Variants in DST observed in about 807,000 individuals in gnomAD.
The protein encoded by DST is bullous pemphigoid antigen.
Under a neutral mutation model 875.2 loss-of-function variants are expected in DST, and 253 were observed. That is an observed-to-expected ratio of 0.29 (90% CI 0.26 to 0.32). The LOEUF is 0.32. DST is among the 10% of genes least tolerant of loss of function. The probability of loss-of-function intolerance (pLI) is 1.00; values close to 1 mark genes in which losing one functional copy is unlikely to be tolerated. For synonymous variants in DST, 3,124 were observed against 3,197.1 expected (o/e 0.98, Z 0.77); for missense variants, 8,287 against 9,111.6 (o/e 0.91, Z 3.68).
intron 78 of DST, among the ~76,000 whole-genome samples, chr6:56,503,594 T>TACACACACACACACACACAC (rs10637850): frequency 7.1e-6 from 1 of 140,806 alleles, no homozygotes; most frequent in Non-Finnish European, 1.5e-5. Context: ...TACCTATACA[T>TACACACACACACACACACAC]ACACACACAC....
At chr6:56,537,005 G>A in intron 61 of DST, 65 bp from the exon 62 acceptor site, 1 of 1,444,166 alleles carries the variant, frequency 6.9e-7, no homozygotes, top group Non-Finnish European at 9.6e-7. Context: ...TATATAATAA[G>A]CATTTCTTTA....
chr6:56,806,149 T>A (rs1320613955), intron 4 of DST, among the ~76,000 whole-genome samples: 1 of 152,220 alleles, frequency 6.6e-6, no homozygotes, highest in African/African-American at 2.4e-5. Context: ...TCTCATCTTC[T>A]AAAAAGTTTT....
intron 4 of DST, among the ~76,000 whole-genome samples, chr6:56,826,207 C>T (rs910725976): frequency 1.3e-5 from 2 of 152,102 alleles, no homozygotes; most frequent in Non-Finnish European, 2.9e-5. Context: ...CCCACCTCAG[C>T]CATAAATGAC....
At chr6:56,693,027 G>T (rs758127453) in intron 9 of DST, 5 of 1,289,690 alleles carry the variant, frequency 3.9e-6, no homozygotes, top group South Asian at 2.5e-5. Flanking sequence ...CAGTTTTTTT[G>T]ATCGGTTTTC....
At chr6:56,611,293 T>C (rs752581895) in intron 38 of DST, among the ~76,000 whole-genome samples, 2 of 152,210 alleles carry the variant, frequency 1.3e-5, no homozygotes, top group Admixed American at 6.5e-5. Context: ...TTATCGGTAA[T>C]ACATGGGGAT....
intron 4 of DST, among the ~76,000 whole-genome samples, chr6:56,818,836 T>A (rs867816169): frequency 1.4e-4 from 22 of 152,284 alleles, no homozygotes; most frequent in South Asian, 2.1e-4. Flanking sequence ...CTGCATACTT[T>A]CCATAGGAAC....
chr6:56,618,838 C>G, intron 36 of DST: 1 of 1,614,070 alleles, frequency 6.2e-7, no homozygotes, highest in Non-Finnish European at 8.5e-7. Flanking sequence ...TTCTGTGGGT[C>G]ATCTGCTCCT....
At chr6:56,517,738 T>C (rs960138753) in intron 69 of DST, 118 bp from the exon 70 acceptor site, 2 of 1,207,982 alleles carry the variant, frequency 1.7e-6, no homozygotes, top group African/African-American at 3.1e-5. Context: ...GCTTGTCTCC[T>C]CATGGCATCC....
chr6:56,494,261 A>T, intron 82 of DST, 81 bp from the exon 83 acceptor site: 2 of 1,321,150 alleles, frequency 1.5e-6, no homozygotes, highest in Non-Finnish European at 1.0e-6. Flanking sequence ...ATCAGTCCCA[A>T]GCTCCTCATC....
intron 3 of DST, among the ~76,000 whole-genome samples, chr6:56,879,442 C>A (rs13199233): frequency 1.3e-5 from 2 of 151,434 alleles, no homozygotes. Context: ...CTGCACTCCA[C>A]CCTGGGAGAC....
At chr6:56,778,382 T>C (rs371898574) in intron 4 of DST, among the ~76,000 whole-genome samples, 2 of 150,850 alleles carry the variant, frequency 1.3e-5, no homozygotes, top group South Asian at 2.1e-4. Flanking sequence ...AATCTGTTAG[T>C]TATTTTTTTT....
At chr6:56,873,126 G>A (rs181600078) in intron 3 of DST, among the ~76,000 whole-genome samples, 17 of 152,068 alleles carry the variant, frequency 1.1e-4, no homozygotes, top group African/African-American at 3.4e-4. Flanking sequence ...ATACCTGTTC[G>A]TCATTTGTAT....
Position 56,572,769 on chromosome 6 carries a change from G to A in DST, c.13532C>T (p.Thr4511Ile), listed in dbSNP as rs200621004. The A allele has an allele frequency of 2.6e-5, 42 of 1,599,444 alleles. No individual in the cohort carries two copies. Among genetic ancestry groups the A allele is most frequent in the Non-Finnish European group, 3.6e-5 (42 of 1,174,144 alleles). Residue 4511 changes from threonine (T) to isoleucine (I), a missense_variant, in exon 52 of 104, where the codon ACT becomes ATT. This residue lies in a region of DST where 1,513 missense variants were observed against 1,677.8 expected (regional missense o/e 0.90). Coordinates refer to ENST00000680361, the MANE Select transcript of DST (RefSeq NM_001374736.1). ...TEVDVPGKDV[T>I]ELSQYMQEST... ...TACCTGCATATACTGAGACAATTCA[G>A]TAACATCTTTTCCTGGCACATCTAC... is the stretch of plus-strand genomic sequence containing the variant.
At chr6:56,940,191 TACACACACAC>T (rs59001581) in intron 2 of DST, among the ~76,000 whole-genome samples, 19,711 of 142,292 alleles carry the variant, frequency 0.14, 1,626 homozygotes, top group Middle Eastern at 0.22. Flanking sequence ...ATTACCCCCA[TACACACACAC>T]ACACACACAC....
At chr6:56,748,794 T>C (rs964393141) in intron 4 of DST, among the ~76,000 whole-genome samples, 1 of 152,200 alleles carries the variant, frequency 6.6e-6, no homozygotes, top group African/African-American at 2.4e-5. Context: ...GATATTCTAA[T>C]ACCTTTTCCA....
At chr6:56,864,574 T>C (rs1773007145) in intron 3 of DST, among the ~76,000 whole-genome samples, 1 of 151,946 alleles carries the variant, frequency 6.6e-6, no homozygotes, top group South Asian at 2.1e-4. Context: ...TAACTACCCA[T>C]ACTACTACAC....
intron 4 of DST, among the ~76,000 whole-genome samples, chr6:56,747,269 C>T (rs575940567): frequency 6.6e-6 from 1 of 152,288 alleles, no homozygotes; most frequent in Non-Finnish European, 1.5e-5. Context: ...TAAATCTCTC[C>T]ATACAAATGC....
rs369746607 is a variant in DST, at chr6:56,656,303, C to T, written c.1215-5059G>A. On this transcript the variant is annotated intron_variant, in intron 10 of 103. Coordinates refer to ENST00000680361, the MANE Select transcript of DST (RefSeq NM_001374736.1). Reference sequence around the variant, plus strand: ...GGCACGAAGTGAGGACAACAAACAGCGGTGAAGTATAAAAGTTTCAAAAAG... The same window carrying T: ...GGCACGAAGTGAGGACAACAAACAGTGGTGAAGTATAAAAGTTTCAAAAAG... Among the ~76,000 whole-genome samples, 24 of 152,326 alleles carry T rather than the reference C, an allele frequency of 1.6e-4. No homozygotes were observed. The East Asian group carries it at 2.7e-3, about 17-fold the overall frequency.
intron 49 of DST, among the ~76,000 whole-genome samples, chr6:56,581,762 G>A (rs962780623): frequency 6.6e-6 from 1 of 152,156 alleles, no homozygotes; most frequent in Non-Finnish European, 1.5e-5. Flanking sequence ...ACTCATCCTT[G>A]GCCATGGGCC....
Sources: gnomAD v4.1 joint callset for allele counts (sites outside exome capture counted in the v4.1 genomes callset) on GRCh38, gnomAD v4.1.1 for gene constraint, gnomAD v4.1.1 regional missense constraint, MANE v1.5 for transcripts, NCBI Gene and HGNC (gene_info 2026-07-23, HGNC 2026-07-21) for gene names.